The following ITPR1 variants were observed in gnomAD, a reference collection of about 807,000 sequenced individuals.
ITPR1 encodes the protein inositol 1,4,5-trisphosphate receptor type 1.
Under a neutral mutation model 318.4 loss-of-function variants are expected in ITPR1, and 96 were observed. That is an observed-to-expected ratio of 0.30 (90% CI 0.26 to 0.36). ITPR1 has a LOEUF of 0.36. ITPR1 is among the 10% of genes least tolerant of loss of function. ITPR1 has a pLI of 1.00. For synonymous variants in ITPR1, 1,312 were observed against 1,289.9 expected (o/e 1.02, Z -0.37); for missense variants, 2,440 against 3,460.2 (o/e 0.71, Z 7.40).
chr3:4,693,466 A>T (rs2094510991), intron 32 of ITPR1, 24 bp from the exon 33 acceptor site: 1 of 1,607,198 alleles, frequency 6.2e-7, no homozygotes. Flanking sequence ...CTTGTAATCT[A>T]AACCCACCCT....
chr3:4,744,673 C>G (rs996864635), intron 44 of ITPR1, among the ~76,000 whole-genome samples: 9 of 152,166 alleles, frequency 5.9e-5, no homozygotes, highest in Admixed American at 6.5e-5. Flanking sequence ...TTTGTTTAAT[C>G]TTTACTATGT....
rs2047312971 is a variant in ITPR1 at position 4,787,964 on chromosome 3, A to G, written c.6633A>G (p.Arg2211=). Reference sequence around the variant, plus strand: ...CATCCTAGATTGTCAGATTAGACCGAACAATGGAACAGATAGTCTTTCCCG... The same window carrying G: ...CATCCTAGATTGTCAGATTAGACCGGACAATGGAACAGATAGTCTTTCCCG... The part of the protein sequence containing the change: ...TAQIEIVRLD[R]TMEQIVFPVP... Residue 2211 remains arginine, a synonymous_variant, in exon 52 of 62, where the codon CGA becomes CGG. Transcript: ENST00000649015. 1 of 1,611,742 alleles carries G rather than the reference A, an allele frequency of 6.2e-7. No individual in the cohort carries two copies. The highest frequency in any genetic ancestry group is 1.1e-5 in the South Asian group (1 of 90,524).
rs369934199 is a variant in ITPR1 at position 4,697,455 on chromosome 3, C to CTTTTTTTTTTTTT, written c.4407+185_4407+197dup. Among the ~76,000 whole-genome samples the CTTTTTTTTTTTTT allele has an allele frequency of 0.18, 15,711 of 85,970 alleles. 4,157 individuals carry two copies. The highest frequency in any genetic ancestry group is 0.3 in the Non-Finnish European group (12,048 of 39,700). 56.4% of individuals were successfully genotyped at this position (85,970 alleles called of 152,430 possible). Reference sequence around the variant, plus strand: ...CTTTCTTCTCATGTATCCTTTCTTCCTTTTTTTTTTTTTTGAGCTGGAGTC... The same window carrying CTTTTTTTTTTTTT: ...CTTTCTTCTCATGTATCCTTTCTTCCTTTTTTTTTTTTTTTTTTTTTTTTTTTGAGCTGGAGTC... On this transcript the variant is annotated intron_variant, in intron 34 of 61. Transcript: ENST00000649015.
chr3:4,551,232 A>G (rs985983488), intron 4 of ITPR1, among the ~76,000 whole-genome samples: 1 of 152,206 alleles, frequency 6.6e-6, no homozygotes, highest in African/African-American at 2.4e-5. Context: ...TGTAACAACA[A>G]CAAAAAAGAC....
At chr3:4,544,373 G>A (rs552746911) in intron 4 of ITPR1, among the ~76,000 whole-genome samples, 1 of 152,298 alleles carries the variant, frequency 6.6e-6, no homozygotes, top group East Asian at 1.9e-4. Context: ...CTATCCACAG[G>A]AGCAAGTAGC....
At chr3:4,615,337 A>G (rs148442641) in intron 4 of ITPR1, among the ~76,000 whole-genome samples, 2 of 150,868 alleles carry the variant, frequency 1.3e-5, no homozygotes, top group Admixed American at 6.6e-5. Flanking sequence ...GTCTTCCACA[A>G]TGGGGAGAGG....
At chr3:4,795,273 T>C in intron 53 of ITPR1, 86 bp downstream of exon 53, 1 of 1,374,206 alleles carries the variant, frequency 7.3e-7, no homozygotes. Context: ...CTGGATGTAT[T>C]GGTGCAGTAC....
At chr3:4,659,900 C>A (rs564504123) in intron 13 of ITPR1, among the ~76,000 whole-genome samples, 1 of 151,912 alleles carries the variant, frequency 6.6e-6, no homozygotes, top group Non-Finnish European at 1.5e-5. Context: ...ATTAACTAGT[C>A]CATTATTGAG....
chr3:4,655,498 C>A (rs1009718450), intron 12 of ITPR1, among the ~76,000 whole-genome samples: 1 of 152,178 alleles, frequency 6.6e-6, no homozygotes, highest in African/African-American at 2.4e-5. Context: ...ATTCCTTCAT[C>A]TATACAAGTG....
intron 2 of ITPR1, among the ~76,000 whole-genome samples, chr3:4,495,146 A>G (rs2080449441): frequency 6.6e-6 from 1 of 151,944 alleles, no homozygotes; most frequent in Admixed American, 6.6e-5. Flanking sequence ...AACAGTTCCT[A>G]TTTTTTCCCC....
At chr3:4,503,240 G>T (rs2124881460) in intron 2 of ITPR1, among the ~76,000 whole-genome samples, 1 of 152,254 alleles carries the variant, frequency 6.6e-6, no homozygotes, top group East Asian at 1.9e-4. Context: ...ATTCATAAAA[G>T]GGAGTGGAAA....
At chr3:4,768,411 A>C in intron 45 of ITPR1, 100 bp from the exon 46 acceptor site, 1 of 1,341,670 alleles carries the variant, frequency 7.5e-7, no homozygotes, top group Non-Finnish European at 1.0e-6. Context: ...GAACGTCTCT[A>C]GGAGATAAAG....
At chr3:4,669,066 C>G (rs182017793) in intron 18 of ITPR1, among the ~76,000 whole-genome samples, 1 of 152,180 alleles carries the variant, frequency 6.6e-6, no homozygotes, top group Non-Finnish European at 1.5e-5. Flanking sequence ...TGTAAAAACA[C>G]CTACTACCAC....
In ITPR1 at chr3:4,601,907, T is replaced by A. The variant is rs2091314697; in HGVS notation, c.164-25856T>A. ...GGAAAAAGATTTGAATAGACGTTTCTCCAAAGAAAACATATAAATGGCTAA... is the reference window on the plus strand; with the variant it reads ...GGAAAAAGATTTGAATAGACGTTTCACCAAAGAAAACATATAAATGGCTAA... On this transcript the variant is annotated intron_variant, in intron 4 of 61. Transcript: ENST00000649015. Among the ~76,000 whole-genome samples, 9 of 152,324 alleles carry A rather than the reference T, an allele frequency of 5.9e-5. No individual in the cohort carries two copies. The South Asian group carries it at 1.9e-3, about 32-fold the overall frequency.
chr3:4,535,442 A>ATTTTT (rs34152018), intron 4 of ITPR1, among the ~76,000 whole-genome samples: 27 of 100,982 alleles, frequency 2.7e-4, no homozygotes, highest in Non-Finnish European at 3.7e-4. Flanking sequence ...TTTTTTTTTA[A>ATTTTT]TTTTTTTTTT....
chr3:4,767,567 A>G (rs2045900352), intron 45 of ITPR1, among the ~76,000 whole-genome samples: 1 of 152,256 alleles, frequency 6.6e-6, no homozygotes, highest in Non-Finnish European at 1.5e-5. Context: ...TGCCCAGGTT[A>G]GAGTGCAGTG....
chr3:4,657,028 T>C (rs2125181839), intron 12 of ITPR1, among the ~76,000 whole-genome samples: 1 of 152,346 alleles, frequency 6.6e-6, no homozygotes, highest in South Asian at 2.1e-4. Flanking sequence ...GTTTTCATCA[T>C]TGTTCCTCAG....
intron 4 of ITPR1, among the ~76,000 whole-genome samples, chr3:4,594,726 G>A (rs1361152245): frequency 5.4e-5 from 8 of 146,868 alleles, no homozygotes; most frequent in South Asian, 2.4e-4. Flanking sequence ...CACCATGGCC[G>A]TCTCAGTCAT....
At chr3:4,707,353 C>T (rs530580488) in intron 37 of ITPR1, among the ~76,000 whole-genome samples, 5 of 152,286 alleles carry the variant, frequency 3.3e-5, no homozygotes, top group African/African-American at 9.6e-5. Context: ...CTTGCTCACT[C>T]GCATATTTGG....
Sources: gnomAD v4.1 joint callset for allele counts (sites outside exome capture counted in the v4.1 genomes callset) on GRCh38, gnomAD v4.1.1 for gene constraint, MANE v1.5 for transcripts, NCBI Gene and HGNC (gene_info 2026-07-23, HGNC 2026-07-21) for gene names.